Variants in CLSTN2 observed in about 807,000 individuals in gnomAD.
The protein encoded by CLSTN2 is calsyntenin-2.
Under a neutral mutation model 101.2 loss-of-function variants are expected in CLSTN2, and 48 were observed. The observed-to-expected ratio is 0.47, with a 90% CI of 0.38 to 0.60. The LOEUF is 0.60. Among genes scored for constraint, CLSTN2 ranks in the 20% least tolerant of loss-of-function variants. The pLI, the probability that CLSTN2 is intolerant of heterozygous loss-of-function variation, is 0.00. For synonymous variants in CLSTN2, 481 were observed against 463.6 expected (o/e 1.04, Z -0.48); for missense variants, 1,160 against 1,238.2 (o/e 0.94, Z 0.95).
At chr3:140,298,154 C>G (rs2087021516) in intron 2 of CLSTN2, among the ~76,000 whole-genome samples, 1 of 152,188 alleles carries the variant, frequency 6.6e-6, no homozygotes, top group African/African-American at 2.4e-5. Context: ...ATTTTAAGCC[C>G]TGGCTCTGAT....
At chr3:140,013,808 G>A (rs957706257) in intron 1 of CLSTN2, among the ~76,000 whole-genome samples, 2 of 152,108 alleles carry the variant, frequency 1.3e-5, no homozygotes, top group Non-Finnish European at 2.9e-5. Flanking sequence ...ACTAGCCAGC[G>A]TTAGAGGTGG....
At chr3:140,489,292 A>G (rs986814884) in intron 8 of CLSTN2, among the ~76,000 whole-genome samples, 1 of 152,214 alleles carries the variant, frequency 6.6e-6, no homozygotes, top group Admixed American at 6.5e-5. Flanking sequence ...TGCTCACTCC[A>G]TAATAGTTCA....
At position 139,988,358 on chromosome 3, in the gene CLSTN2, TA is replaced by T. The variant is rs200145875; in HGVS notation, c.109+52879del. Among the ~76,000 whole-genome samples, 1,477 of 152,294 alleles carry T rather than the reference TA, an allele frequency of 9.7e-3. 25 individuals carry two copies. Among genetic ancestry groups the T allele is most frequent in the East Asian group, 0.074 (381 of 5,176 alleles). ...AGGCAAACTTCACAGGTTAAAATTT[TA>T]AAATAGAGTATTGACAGCACAACAC... On this transcript the variant is annotated intron_variant, in intron 1 of 16. Coordinates refer to ENST00000458420, the MANE Select transcript of CLSTN2 (RefSeq NM_022131.3).
chr3:140,026,235 T>C (rs1372345305), intron 1 of CLSTN2, among the ~76,000 whole-genome samples: 5 of 152,214 alleles, frequency 3.3e-5, no homozygotes, highest in Admixed American at 3.3e-4. Flanking sequence ...GGCCATGGAC[T>C]GTAGATTTAT....
intron 2 of CLSTN2, among the ~76,000 whole-genome samples, chr3:140,189,382 T>G (rs1432758624): frequency 6.6e-6 from 1 of 152,192 alleles, no homozygotes; most frequent in African/African-American, 2.4e-5. Context: ...GTATAAGTGA[T>G]ACAGTTTCTC....
At chr3:140,188,387 G>A (rs930642944) in intron 2 of CLSTN2, among the ~76,000 whole-genome samples, 7 of 152,218 alleles carry the variant, frequency 4.6e-5, no homozygotes, top group African/African-American at 1.7e-4. Flanking sequence ...AAAGGACTGA[G>A]TGGCTTACAA....
At chr3:139,967,310 G>A (rs889851630) in intron 1 of CLSTN2, among the ~76,000 whole-genome samples, 6 of 152,220 alleles carry the variant, frequency 3.9e-5, no homozygotes, top group African/African-American at 1.4e-4. Flanking sequence ...AGTCTGCAAA[G>A]TAGTCTTGTT....
intron 2 of CLSTN2, among the ~76,000 whole-genome samples, chr3:140,330,628 A>G (rs1436822564): frequency 6.6e-6 from 1 of 152,194 alleles, no homozygotes; most frequent in Non-Finnish European, 1.5e-5. Context: ...GGCTCTGCTT[A>G]CAGGGGAACC....
chr3:140,557,315 G>T (rs1295660936), intron 11 of CLSTN2, among the ~76,000 whole-genome samples: 1 of 152,156 alleles, frequency 6.6e-6, no homozygotes, highest in Non-Finnish European at 1.5e-5. Flanking sequence ...GAGGAACAAG[G>T]GTGGGAAAGA....
intron 2 of CLSTN2, among the ~76,000 whole-genome samples, chr3:140,185,068 C>T (rs1212252736): frequency 8.5e-5 from 13 of 152,134 alleles, no homozygotes; most frequent in Non-Finnish European, 1.3e-4. Flanking sequence ...AAGGGGGCTT[C>T]CCTGTTTATT....
At chr3:140,031,719 A>G (rs2107760048) in intron 1 of CLSTN2, among the ~76,000 whole-genome samples, 1 of 152,362 alleles carries the variant, frequency 6.6e-6, no homozygotes, top group Non-Finnish European at 1.5e-5. Context: ...TGGAGAAGAC[A>G]CAGACTCAGA....
chr3:140,024,695 A>G (rs1318142863), intron 1 of CLSTN2, among the ~76,000 whole-genome samples: 1 of 151,946 alleles, frequency 6.6e-6, no homozygotes, highest in Non-Finnish European at 1.5e-5. Flanking sequence ...ACTGATGGAG[A>G]ACTTAGGAGA....
chr3:140,545,318 T>C (rs1331500572), intron 9 of CLSTN2, among the ~76,000 whole-genome samples: 1 of 152,164 alleles, frequency 6.6e-6, no homozygotes, highest in East Asian at 1.9e-4. Flanking sequence ...TAGCAACTGC[T>C]GGCAGCAAAG....
chr3:140,141,474 A>T (rs1169890099), intron 1 of CLSTN2, among the ~76,000 whole-genome samples: 1 of 152,200 alleles, frequency 6.6e-6, no homozygotes, highest in Admixed American at 6.5e-5. Flanking sequence ...ATGGCTGTGT[A>T]TTCTAGGAAG....
intron 1 of CLSTN2, among the ~76,000 whole-genome samples, chr3:140,018,616 G>C (rs1050519727): frequency 2.0e-5 from 3 of 152,160 alleles, no homozygotes; most frequent in Non-Finnish European, 2.9e-5. Context: ...TAGTCTGTGG[G>C]TTAGCTCAGT....
intron 1 of CLSTN2, among the ~76,000 whole-genome samples, chr3:139,994,133 G>A (rs999278365): frequency 6.6e-6 from 1 of 152,180 alleles, no homozygotes; most frequent in African/African-American, 2.4e-5. Context: ...AGGGGCTGCT[G>A]AGTAAATCTT....
chr3:140,219,370 G>A (rs1254960321), intron 2 of CLSTN2, among the ~76,000 whole-genome samples: 3 of 152,056 alleles, frequency 2.0e-5, no homozygotes, highest in Admixed American at 6.5e-5. Flanking sequence ...GCGCGTGAGT[G>A]AGTTTTAATT....
At chr3:139,985,063 G>A (rs115813916) in intron 1 of CLSTN2, among the ~76,000 whole-genome samples, 18 of 152,232 alleles carry the variant, frequency 1.2e-4, no homozygotes, top group Non-Finnish European at 2.4e-4. Flanking sequence ...ACAAGCAAGC[G>A]CACACCATTG....
intron 1 of CLSTN2, among the ~76,000 whole-genome samples, chr3:140,000,312 T>A (rs554623491): frequency 6.6e-6 from 1 of 152,330 alleles, no homozygotes; most frequent in African/African-American, 2.4e-5. Context: ...GAGGAAGATA[T>A]TTAGTTAGCA....
Sources: allele counts gnomAD v4.1 joint callset (sites outside exome capture counted in the v4.1 genomes callset), GRCh38; gene constraint gnomAD v4.1.1; transcripts MANE v1.5; gene names NCBI Gene and HGNC (gene_info 2026-07-23, HGNC 2026-07-21).